GARIN1A: variants seen among roughly 807,000 people sequenced by gnomAD.
GARIN1A encodes the protein golgi associated RAB2 interactor 1A, also known as Golgi-associated RAB2 interactor protein 1A.
chr7:128,707,220 ATGTGTGTGTG>A, the GARIN1A span, among the ~76,000 whole-genome samples: 1 of 147,184 alleles, frequency 6.8e-6, no homozygotes, highest in African/African-American at 2.5e-5. Context: ...GTGTGTATGT[ATGTGTGTGTG>A]TGTGTGTGTG....
the GARIN1A span, among the ~76,000 whole-genome samples, chr7:128,681,728 C>A: frequency 6.6e-6 from 1 of 151,880 alleles, no homozygotes; most frequent in Non-Finnish European, 1.5e-5. Flanking sequence ...GTCTCAAACT[C>A]CTCAGCCCAA....
chr7:128,692,224 G>A, the GARIN1A span, among the ~76,000 whole-genome samples: 5 of 152,164 alleles, frequency 3.3e-5, no homozygotes, highest in East Asian at 1.9e-4. Context: ...GTAGGGAAAC[G>A]TGCCAGCCAT....
chr7:128,682,972 A>G, the GARIN1A span: 14 of 1,598,016 alleles, frequency 8.8e-6, no homozygotes, highest in Middle Eastern at 1.7e-4. Flanking sequence ...AGGAACAATG[A>G]CACTGCCATT....
At chr7:128,690,106 C>T in the GARIN1A span, among the ~76,000 whole-genome samples, 1 of 152,334 alleles carries the variant, frequency 6.6e-6, no homozygotes, top group East Asian at 1.9e-4. Flanking sequence ...TATGACCTTA[C>T]CCCCAACCCC....
At chr7:128,672,947 G>C in the GARIN1A span, among the ~76,000 whole-genome samples, 2 of 152,196 alleles carry the variant, frequency 1.3e-5, no homozygotes, top group Non-Finnish European at 2.9e-5. Context: ...AAACAGCCTT[G>C]TTTGAAAGCA....
the GARIN1A span, chr7:128,672,677 C>T: frequency 1.2e-6 from 1 of 800,946 alleles, no homozygotes; most frequent in Non-Finnish European, 1.9e-6. Flanking sequence ...AAAGAAGCCA[C>T]CAAAGCTAGA....
chr7:128,701,955 T>G, the GARIN1A span, among the ~76,000 whole-genome samples: 1 of 152,250 alleles, frequency 6.6e-6, no homozygotes, highest in South Asian at 2.1e-4. Flanking sequence ...AAACTTCTCA[T>G]CAGAAACCAC....
the GARIN1A span, chr7:128,693,998 A>G: frequency 6.6e-6 from 1 of 152,300 alleles, no homozygotes; most frequent in African/African-American, 2.4e-5. Context: ...AGATTCTATA[A>G]GGGCGCTCCC....
At chr7:128,701,447 GA>G in the GARIN1A span, among the ~76,000 whole-genome samples, 1 of 58,368 alleles carries the variant, frequency 1.7e-5, no homozygotes, top group Non-Finnish European at 3.4e-5. Flanking sequence ...GAGGGGAGGG[GA>G]GGGAAGGGAA....
the GARIN1A span, chr7:128,680,057 C>G: frequency 3.2e-6 from 5 of 1,576,656 alleles, no homozygotes; most frequent in Non-Finnish European, 4.3e-6. Context: ...TGTCATCCCC[C>G]CAGCCCAGCG....
chr7:128,697,210 C>T, the GARIN1A span, among the ~76,000 whole-genome samples: 1 of 152,298 alleles, frequency 6.6e-6, no homozygotes, highest in African/African-American at 2.4e-5. Flanking sequence ...AAAAGACAGG[C>T]GGCTCCTGCA....
chr7:128,679,006 T>G, the GARIN1A span, among the ~76,000 whole-genome samples: 5 of 148,880 alleles, frequency 3.4e-5, no homozygotes, highest in African/African-American at 1.0e-4. Flanking sequence ...ACATATATAC[T>G]TATGTAACGA....
chr7:128,694,585 C>T, the GARIN1A span, among the ~76,000 whole-genome samples: 1 of 151,750 alleles, frequency 6.6e-6, no homozygotes, highest in Non-Finnish European at 1.5e-5. Context: ...GACTTTAGTC[C>T]ACGTGTAACA....
chr7:128,704,403 C>A, the GARIN1A span, among the ~76,000 whole-genome samples: 17 of 151,876 alleles, frequency 1.1e-4, no homozygotes, highest in Admixed American at 1.1e-3. Flanking sequence ...CTCCCAGGCT[C>A]AAGCAGTTCT....
chr7:128,688,849 G>C, the GARIN1A span, among the ~76,000 whole-genome samples: 10,381 of 137,434 alleles, frequency 0.076, 466 homozygotes, highest in Middle Eastern at 0.15. Context: ...CTCTGATGCC[G>C]AGCCGAAGCT....
the GARIN1A span, chr7:128,672,496 T>C: frequency 1.9e-6 from 3 of 1,609,720 alleles, no homozygotes; most frequent in Middle Eastern, 1.7e-4. Flanking sequence ...TGATTCATTC[T>C]CCAGAATTCA....
the GARIN1A span, chr7:128,685,829 A>T: frequency 6.6e-6 from 1 of 152,176 alleles, no homozygotes; most frequent in Admixed American, 6.5e-5. Flanking sequence ...TCCTATCTAT[A>T]TGGCATACTT....
chr7:128,674,124 A>G, the GARIN1A span, among the ~76,000 whole-genome samples: 3 of 152,002 alleles, frequency 2.0e-5, no homozygotes, highest in Admixed American at 2.0e-4. Flanking sequence ...TGATCTCTTG[A>G]CCTCATGATC....
At chr7:128,696,133 C>A in the GARIN1A span, among the ~76,000 whole-genome samples, 4 of 150,928 alleles carry the variant, frequency 2.7e-5, no homozygotes, top group African/African-American at 9.7e-5. Context: ...CCACCTCAGC[C>A]TCCTACGTAG....
Sources: gnomAD v4.1 joint callset for allele counts (sites outside exome capture counted in the v4.1 genomes callset) on GRCh38, gnomAD v4.1.1 for gene constraint, MANE v1.5 for transcripts, NCBI Gene and HGNC (gene_info 2026-07-23, HGNC 2026-07-21) for gene names.